EDAR: variants seen among roughly 807,000 people sequenced by gnomAD.
EDAR encodes the protein tumor necrosis factor receptor superfamily member EDAR.
In EDAR, 38 loss-of-function variants were observed where a neutral mutation model predicts 51.3. The ratio of observed to expected loss-of-function variants is 0.74; its 90% CI spans 0.57 to 0.97. The LOEUF is 0.97. Among genes scored for constraint, EDAR ranks in the 50% least tolerant of loss-of-function variants. The pLI is 0.00. For missense variants in EDAR, 528 were observed against 595.0 expected (o/e 0.89, Z 1.17); for synonymous variants, 227 against 242.1 (o/e 0.94, Z 0.58).
intron 1 of EDAR, among the ~76,000 whole-genome samples, chr2:108,935,076 AC>A (rs1184191162): frequency 6.6e-6 from 1 of 152,182 alleles, no homozygotes; most frequent in Non-Finnish European, 1.5e-5. Context: ...GATATAAGAG[AC>A]CGCATGACCA....
At chr2:108,926,074 G>A (rs1697248613) in intron 4 of EDAR, among the ~76,000 whole-genome samples, 1 of 152,160 alleles carries the variant, frequency 6.6e-6, no homozygotes, top group Non-Finnish European at 1.5e-5. Flanking sequence ...TCTCTCTGTA[G>A]GACTAGGCTA....
rs763324039 is a variant in EDAR at position 108,930,175 on chromosome 2, GTCT to G, written c.116_118del (p.Gln39_Thr40delinsPro). On this transcript the variant is annotated inframe_deletion, in exon 3 of 12. Coordinates refer to ENST00000258443, the MANE Select transcript of EDAR (RefSeq NM_022336.4). ...GGGGCACTCCTGGCACAGCCCCGTAGTCTGGTTGTAGTACTCGTTCTCACCGCA... is the reference window on the plus strand; with the variant it reads ...GGGGCACTCCTGGCACAGCCCCGTAGGGTTGTAGTACTCGTTCTCACCGCA... 6.2e-7 allele frequency: 1 copy of G among 1,614,100 alleles called. No homozygotes were observed. Among genetic ancestry groups the G allele is most frequent in the Non-Finnish European group, 8.5e-7 (1 of 1,180,038 alleles).
At chr2:108,961,229 G>T (rs1297013739) in intron 1 of EDAR, among the ~76,000 whole-genome samples, 1 of 151,818 alleles carries the variant, frequency 6.6e-6, no homozygotes, top group African/African-American at 2.4e-5. Context: ...TAATGAAAGG[G>T]TAAAGAACCA....
At chr2:108,972,272 C>G (rs1263701133) in intron 1 of EDAR, among the ~76,000 whole-genome samples, 1 of 152,292 alleles carries the variant, frequency 6.6e-6, no homozygotes, top group East Asian at 1.9e-4. Context: ...AGACCAACTT[C>G]TGTTCCACAG....
At chr2:108,944,322 G>A (rs914264064) in intron 1 of EDAR, among the ~76,000 whole-genome samples, 10 of 152,074 alleles carry the variant, frequency 6.6e-5, no homozygotes, top group Admixed American at 6.5e-4. Flanking sequence ...CCATGTTGGC[G>A]GGGCTGGTCC....
At chr2:108,967,279 G>T (rs1315587125) in intron 1 of EDAR, among the ~76,000 whole-genome samples, 1 of 152,072 alleles carries the variant, frequency 6.6e-6, no homozygotes, top group Non-Finnish European at 1.5e-5. Context: ...TCAGTTGCAG[G>T]TTCATATTTC....
chr2:108,950,626 G>A (rs1258264370), intron 1 of EDAR, among the ~76,000 whole-genome samples: 1 of 152,180 alleles, frequency 6.6e-6, no homozygotes, highest in African/African-American at 2.4e-5. Flanking sequence ...CTGCATTCTG[G>A]ACGTGACACA....
At chr2:108,925,147 C>T (rs1697228830) in intron 4 of EDAR, among the ~76,000 whole-genome samples, 2 of 150,708 alleles carry the variant, frequency 1.3e-5, no homozygotes, top group South Asian at 2.1e-4. Context: ...ATTGGTCCCG[C>T]TCCTGGGCTG....
At position 108,894,598 on chromosome 2, in the gene EDAR, T is replaced by C. The variant is rs1285352750; in HGVS notation, c.*2309A>G. The C allele has an allele frequency of 6.6e-6, 1 of 152,588 alleles. No individual in the cohort carries two copies. Among genetic ancestry groups the C allele is most frequent in the East Asian group, 1.9e-4 (1 of 5,190 alleles). 9.5% of individuals were successfully genotyped at this position (152,588 alleles called of 1,614,324 possible). ...CACAGACCTACCCTGGGGTGTTTTC[T>C]AAATGTTTTAAAGTATTGCAGAATT... On this transcript the variant is annotated 3_prime_UTR_variant, in exon 12 of 12. Transcript: ENST00000258443.
intron 10 of EDAR, among the ~76,000 whole-genome samples, chr2:108,907,234 G>T (rs1696824418): frequency 6.6e-6 from 1 of 152,172 alleles, no homozygotes; most frequent in Admixed American, 6.5e-5. Context: ...AAAATTGTCT[G>T]GTTAGATAAA....
intron 1 of EDAR, among the ~76,000 whole-genome samples, chr2:108,978,768 G>T (rs953371133): frequency 6.6e-6 from 1 of 152,182 alleles, no homozygotes; most frequent in African/African-American, 2.4e-5. Flanking sequence ...CAGTCTATCG[G>T]TAAGCTGGAG....
intron 11 of EDAR, among the ~76,000 whole-genome samples, 175 bp downstream of exon 11, chr2:108,906,133 C>A (rs1391225832): frequency 6.6e-6 from 1 of 152,218 alleles, no homozygotes; most frequent in African/African-American, 2.4e-5. Context: ...TATCTGGGAA[C>A]AAGATTCTGT....
chr2:108,897,309 A>C (rs1696618965), intron 11 of EDAR, 80 bp from the exon 12 acceptor site: 3 of 1,352,466 alleles, frequency 2.2e-6, no homozygotes. Flanking sequence ...ATTTAAATGA[A>C]ATAAAAATTA....
intron 1 of EDAR, among the ~76,000 whole-genome samples, chr2:108,938,782 TTC>T (rs1370707361): frequency 4.6e-5 from 7 of 151,432 alleles, no homozygotes; most frequent in Non-Finnish European, 1.0e-4. Flanking sequence ...TTTCTAGGAC[TTC>T]TTCCCCCCCC....
chr2:108,963,701 A>C (rs1698096246), intron 1 of EDAR, among the ~76,000 whole-genome samples: 1 of 152,242 alleles, frequency 6.6e-6, no homozygotes, highest in Non-Finnish European at 1.5e-5. Context: ...AGAGCACTGC[A>C]GAATGTTGCG....
intron 5 of EDAR, among the ~76,000 whole-genome samples, chr2:108,918,445 G>A (rs958832932): frequency 3.3e-5 from 5 of 152,174 alleles, no homozygotes; most frequent in African/African-American, 9.6e-5. Flanking sequence ...GGCCAACTGC[G>A]GGTCCATCTC....
rs1183473388 is a variant in EDAR, at chr2:108,907,841, G to A, written c.963+19C>T. On this transcript the variant is annotated intron_variant, in intron 10 of 11. Coordinates refer to ENST00000258443, the MANE Select transcript of EDAR (RefSeq NM_022336.4). ...GAGCCACATCTCACAGCTCATCATG[G>A]CACCTGCAGGAGCCTCACCCCGGCT... 5.6e-6 allele frequency: 9 copies of A among 1,613,192 alleles called. No homozygotes were observed. Among genetic ancestry groups the A allele is most frequent in the Non-Finnish European group, 7.6e-6 (9 of 1,179,970 alleles).
At chr2:108,932,670 A>G (rs528007094) in intron 1 of EDAR, among the ~76,000 whole-genome samples, 10 of 152,286 alleles carry the variant, frequency 6.6e-5, no homozygotes, top group Non-Finnish European at 1.5e-4. Context: ...GACATGGACA[A>G]TCTTCTTTTC....
chr2:108,977,891 A>G (rs1036803179), intron 1 of EDAR, among the ~76,000 whole-genome samples: 1 of 152,232 alleles, frequency 6.6e-6, no homozygotes, highest in Non-Finnish European at 1.5e-5. Flanking sequence ...ATATTAAATG[A>G]CACAGTAAAG....
Sources: gnomAD v4.1 joint callset for allele counts (sites outside exome capture counted in the v4.1 genomes callset) on GRCh38, gnomAD v4.1.1 for gene constraint, MANE v1.5 for transcripts, NCBI Gene and HGNC (gene_info 2026-07-23, HGNC 2026-07-21) for gene names.